The following SLC71A2 variants were observed in gnomAD, a reference collection of about 807,000 sequenced individuals.
SLC71A2 encodes solute carrier family 71 member 2, also known as hippocampus abundant transcript-like 1.
At chr9:94,407,525 C>G in the SLC71A2 span, among the ~76,000 whole-genome samples, 1 of 151,978 alleles carries the variant, frequency 6.6e-6, no homozygotes, top group South Asian at 2.1e-4. Context: ...ATTACAGGCA[C>G]GCACTACCAC....
chr9:94,402,816 C>G, the SLC71A2 span, among the ~76,000 whole-genome samples: 1 of 152,194 alleles, frequency 6.6e-6, no homozygotes, highest in Non-Finnish European at 1.5e-5. Context: ...TAATAATCCT[C>G]TAGAAGCTAA....
the SLC71A2 span, among the ~76,000 whole-genome samples, chr9:94,457,583 G>A: frequency 1.3e-5 from 2 of 152,102 alleles, no homozygotes; most frequent in East Asian, 3.9e-4. Flanking sequence ...CCTTAGGGAG[G>A]TGCTGTGTCT....
the SLC71A2 span, among the ~76,000 whole-genome samples, chr9:94,422,958 G>C: frequency 6.9e-6 from 1 of 145,246 alleles, no homozygotes; most frequent in African/African-American, 2.5e-5. Flanking sequence ...TTTCTAGATG[G>C]AGTCTTGCTC....
chr9:94,437,262 AC>A, the SLC71A2 span, among the ~76,000 whole-genome samples: 1 of 141,288 alleles, frequency 7.1e-6, no homozygotes, highest in African/African-American at 2.7e-5. Context: ...AAATTCAGAT[AC>A]ACAAAAGAAT....
the SLC71A2 span, among the ~76,000 whole-genome samples, chr9:94,449,274 A>G: frequency 6.6e-6 from 1 of 152,346 alleles, no homozygotes; most frequent in African/African-American, 2.4e-5. Flanking sequence ...GCTAAGAACA[A>G]TTAACACACT....
the SLC71A2 span, among the ~76,000 whole-genome samples, chr9:94,384,101 A>G: frequency 6.6e-6 from 1 of 152,142 alleles, no homozygotes; most frequent in Non-Finnish European, 1.5e-5. Flanking sequence ...AATTTCCAGA[A>G]CTACTTCTTC....
the SLC71A2 span, among the ~76,000 whole-genome samples, chr9:94,427,788 A>G: frequency 2.0e-5 from 3 of 147,300 alleles, no homozygotes; most frequent in Admixed American, 7.0e-5. Flanking sequence ...CTGATAGAGT[A>G]TAGAAGGGAG....
chr9:94,404,859 T>C, the SLC71A2 span, among the ~76,000 whole-genome samples: 1 of 152,218 alleles, frequency 6.6e-6, no homozygotes, highest in East Asian at 1.9e-4. Context: ...TTGATTTTTA[T>C]GTATTTTTTC....
the SLC71A2 span, among the ~76,000 whole-genome samples, chr9:94,436,673 A>C: frequency 6.6e-6 from 1 of 152,034 alleles, no homozygotes; most frequent in African/African-American, 2.4e-5. Context: ...CAGACAATGA[A>C]GCTGCTTCAC....
chr9:94,438,431 A>G, the SLC71A2 span: 1 of 1,614,056 alleles, frequency 6.2e-7, no homozygotes, highest in Non-Finnish European at 8.5e-7. Context: ...TGCCCCACTC[A>G]TTGGTGCCCT....
At chr9:94,457,819 T>A in the SLC71A2 span, among the ~76,000 whole-genome samples, 1 of 152,246 alleles carries the variant, frequency 6.6e-6, no homozygotes, top group Non-Finnish European at 1.5e-5. Context: ...TTCATACAGT[T>A]CAAGCTAACT....
the SLC71A2 span, among the ~76,000 whole-genome samples, chr9:94,391,979 A>G: frequency 6.6e-6 from 1 of 152,166 alleles, no homozygotes; most frequent in East Asian, 1.9e-4. Flanking sequence ...TGGCTTCCCA[A>G]CGTGTTGGGA....
At chr9:94,423,690 TC>T in the SLC71A2 span, among the ~76,000 whole-genome samples, 2 of 152,070 alleles carry the variant, frequency 1.3e-5, no homozygotes, top group Admixed American at 6.6e-5. Context: ...ATATAGAGTG[TC>T]CTAAATATCA....
chr9:94,442,054 C>T, the SLC71A2 span, among the ~76,000 whole-genome samples: 1 of 152,120 alleles, frequency 6.6e-6, no homozygotes, highest in Non-Finnish European at 1.5e-5. Flanking sequence ...TGCTTGGTAC[C>T]CTTCTCCCGT....
chr9:94,400,568 G>GAA, the SLC71A2 span, among the ~76,000 whole-genome samples: 1,314 of 136,958 alleles, frequency 9.6e-3, 12 homozygotes, highest in Non-Finnish European at 0.012. Flanking sequence ...GCTTCCAAAT[G>GAA]AAAAAAAAAA....
chr9:94,420,581 T>C, the SLC71A2 span, among the ~76,000 whole-genome samples: 36 of 151,904 alleles, frequency 2.4e-4, no homozygotes, highest in African/African-American at 7.7e-4. Context: ...CTTGTAGATA[T>C]TGGGTTTATA....
At chr9:94,396,625 G>A in the SLC71A2 span, among the ~76,000 whole-genome samples, 3 of 152,132 alleles carry the variant, frequency 2.0e-5, no homozygotes, top group South Asian at 6.2e-4. Flanking sequence ...ATGTTACTCA[G>A]CTATGCCAGT....
the SLC71A2 span, among the ~76,000 whole-genome samples, chr9:94,447,841 C>T: frequency 2.0e-4 from 31 of 152,184 alleles, no homozygotes; most frequent in Non-Finnish European, 5.9e-5. Flanking sequence ...TCTCTCCCTC[C>T]ACCACCAACC....
chr9:94,412,534 TAGC>T, the SLC71A2 span, among the ~76,000 whole-genome samples: 2 of 151,960 alleles, frequency 1.3e-5, no homozygotes. Context: ...TCAATGTTTA[TAGC>T]AGCATTATTC....
Sources: allele counts gnomAD v4.1 joint callset (sites outside exome capture counted in the v4.1 genomes callset), GRCh38; gene constraint gnomAD v4.1.1; transcripts MANE v1.5; gene names NCBI Gene and HGNC (gene_info 2026-07-23, HGNC 2026-07-21).